The following NDFIP1 variants were observed in gnomAD, a reference collection of about 807,000 sequenced individuals.
NDFIP1 encodes Nedd4 family interacting protein 1.
NDFIP1 carries 7 observed loss-of-function variants against 28.8 expected under a neutral mutation model. That is an observed-to-expected ratio of 0.24 (90% CI 0.14 to 0.46). The LOEUF (loss-of-function observed/expected upper bound fraction) is 0.46. Ranked by LOEUF, NDFIP1 falls within the 20% of genes least tolerant of loss-of-function variation. The probability of loss-of-function intolerance (pLI) is 0.99; values close to 1 mark genes in which losing one functional copy is unlikely to be tolerated. For synonymous variants in NDFIP1, 92 were observed against 101.0 expected, an observed-to-expected ratio of 0.91 and a Z score of 0.53; for missense variants, 194 against 269.1, an observed-to-expected ratio of 0.72 and a Z score of 1.95.
intron 1 of NDFIP1, among the ~76,000 whole-genome samples, chr5:142,111,710 T>C (rs1757016044): frequency 6.6e-6 from 1 of 152,226 alleles, no homozygotes; most frequent in Admixed American, 6.5e-5. Flanking sequence ...GTCTTTATGG[T>C]CTTTTTATTG....
chr5:142,129,227 A>G (rs1007629626), intron 1 of NDFIP1, among the ~76,000 whole-genome samples: 1 of 152,212 alleles, frequency 6.6e-6, no homozygotes, highest in African/African-American at 2.4e-5. Context: ...ACCTTCCCAC[A>G]GCACAAGAGT....
At chr5:142,131,782 C>T (rs1239930294) in intron 1 of NDFIP1, 26 bp from the exon 2 acceptor site, 30 of 1,536,578 alleles carry the variant, frequency 2.0e-5, no homozygotes, top group Non-Finnish European at 2.4e-5. Context: ...TTTATGCTTA[C>T]ATTAAAATAT....
Position 142,137,776 on chromosome 5 carries a change from G to GCCTGACCA in NDFIP1, c.415_422dup (p.Ser142Ter). On this transcript the variant is annotated frameshift_variant, in exon 5 of 8. Transcript: ENST00000253814. LOFTEE classifies it high-confidence loss of function. ...TGGATTGGGTTTTTCCTGTCTTTTT[G>GCCTGACCA]CCTGACCACTTCAGCTGCAGGAAGG... is the stretch of plus-strand genomic sequence containing the variant. 1 of 1,614,012 alleles carries GCCTGACCA rather than the reference G, an allele frequency of 6.2e-7. No individual in the cohort carries two copies. Among genetic ancestry groups the GCCTGACCA allele is most frequent in the Non-Finnish European group, 8.5e-7 (1 of 1,179,982 alleles).
chr5:142,122,189 C>T (rs1757128483), intron 1 of NDFIP1, among the ~76,000 whole-genome samples: 1 of 152,190 alleles, frequency 6.6e-6, no homozygotes, highest in South Asian at 2.1e-4. Context: ...CAGTGCCTTT[C>T]CAGTCACTCT....
rs1364747253 is a variant in NDFIP1 at position 142,109,020 on chromosome 5, G to A, written c.46G>A (p.Gly16Ser). The A allele has an allele frequency of 7.0e-7, 1 of 1,437,560 alleles. No individual in the cohort carries two copies. The highest frequency in any genetic ancestry group is 1.4e-5 in the South Asian group (1 of 73,402). The allele number at this position is 1,437,560 out of a possible 1,614,324, so 89.1% of individuals were successfully genotyped here. A position where few individuals can be genotyped will look rare whatever the true frequency, so the allele number is the denominator to read the frequency against. ...AALAAVEPAC[G>S]SRYQQLQNEE... Reference sequence around the variant, plus strand: ...GCTGGCGGCGGTCGAGCCGGCCTGCGGCAGCCGGTACCAGCAGGTAAGCGG... The same window carrying A: ...GCTGGCGGCGGTCGAGCCGGCCTGCAGCAGCCGGTACCAGCAGGTAAGCGG... Residue 16 changes from glycine (G) to serine (S), a missense_variant, in exon 1 of 8, where the codon GGC (glycine) becomes AGC (serine). By Grantham distance (56) the Gly-to-Ser change is moderately conservative (BLOSUM62 0). Transcript: ENST00000253814.
At chr5:142,138,681 C>T (rs1757297897) in intron 5 of NDFIP1, among the ~76,000 whole-genome samples, 1 of 152,056 alleles carries the variant, frequency 6.6e-6, no homozygotes, top group Non-Finnish European at 1.5e-5. Context: ...GTAAGCTTTT[C>T]CCCCACATAG....
chr5:142,109,733 T>C (rs566106039), intron 1 of NDFIP1, among the ~76,000 whole-genome samples: 1 of 152,162 alleles, frequency 6.6e-6, no homozygotes, highest in South Asian at 2.1e-4. Flanking sequence ...GGGGAGGAAA[T>C]GTATAGGAAA....
At chr5:142,134,170 T>G (rs1242203050) in intron 3 of NDFIP1, 1 of 152,166 alleles carries the variant, frequency 6.6e-6, no homozygotes, top group East Asian at 1.9e-4. Flanking sequence ...CCTTCAGAGT[T>G]TTTGAGCAGG....
intron 1 of NDFIP1, among the ~76,000 whole-genome samples, chr5:142,130,000 C>G (rs1049056193): frequency 2.0e-5 from 3 of 150,464 alleles, no homozygotes; most frequent in Non-Finnish European, 4.4e-5. Context: ...CTCTGTTTTT[C>G]TGTCTCAATT....
chr5:142,150,384 A>C (rs1757433604), intron 7 of NDFIP1, among the ~76,000 whole-genome samples: 1 of 151,852 alleles, frequency 6.6e-6, no homozygotes, highest in Non-Finnish European at 1.5e-5. Context: ...TATGTCTCTC[A>C]ATCTAAAGAA....
At chr5:142,126,680 C>T (rs1288262618) in intron 1 of NDFIP1, among the ~76,000 whole-genome samples, 1 of 152,076 alleles carries the variant, frequency 6.6e-6, no homozygotes, top group Admixed American at 6.6e-5. Context: ...CCTTTAGGTC[C>T]TGCCATTTGC....
At position 142,124,808 on chromosome 5, in the gene NDFIP1, C is replaced by T. The variant is rs978276579; in HGVS notation, c.64-7000C>T. Among the ~76,000 whole-genome samples the T allele has an allele frequency of 4.0e-5, 6 of 149,222 alleles. No individual in the cohort carries two copies. The Admixed American group carries it at 4.0e-4, about 10-fold the overall frequency. On this transcript the variant is annotated intron_variant, in intron 1 of 7. Coordinates refer to ENST00000253814, the MANE Select transcript of NDFIP1 (RefSeq NM_030571.4). Reference sequence around the variant, plus strand: ...TGGGTTTTTCTTTTCTTTTTTTTGGCTCCCTATGAGCAACTTGAAGATTTT... The same window carrying T: ...TGGGTTTTTCTTTTCTTTTTTTTGGTTCCCTATGAGCAACTTGAAGATTTT...
chr5:142,131,983 C>T, intron 2 of NDFIP1, 88 bp downstream of exon 2: 1 of 1,297,264 alleles, frequency 7.7e-7, no homozygotes, highest in Non-Finnish European at 1.1e-6. Flanking sequence ...GCTTCAGAAG[C>T]AGTTGGAAGA....
chr5:142,149,895 A>T (rs1757426970), intron 7 of NDFIP1, among the ~76,000 whole-genome samples: 3 of 152,180 alleles, frequency 2.0e-5, no homozygotes. Context: ...TATTAAAAGA[A>T]ACTGGGCCAG....
rs1291525250 is a variant in NDFIP1 at position 142,153,990 on chromosome 5, C to T, written c.*2262C>T. 6.6e-6 allele frequency: 1 copy of T among 152,292 alleles called. No homozygotes were observed. 9.4% of individuals were successfully genotyped at this position (152,292 alleles called of 1,614,324 possible). On this transcript the variant is annotated 3_prime_UTR_variant, in exon 8 of 8. Coordinates refer to ENST00000253814, the MANE Select transcript of NDFIP1 (RefSeq NM_030571.4). The stretch of plus-strand genomic sequence containing the variant: ...GTTAAGAGGATGATTTCTCTTTAAT[C>T]GTTTAAATGTTCTGAAAATTAAAAT...
At chr5:142,141,087 G>C (rs1160557688) in intron 6 of NDFIP1, among the ~76,000 whole-genome samples, 2 of 149,196 alleles carry the variant, frequency 1.3e-5, no homozygotes, top group Non-Finnish European at 3.0e-5. Flanking sequence ...CATAACTTCT[G>C]AAAGAACCAC....
chr5:142,134,665 T>A (rs1757257126), intron 3 of NDFIP1, among the ~76,000 whole-genome samples: 1 of 152,224 alleles, frequency 6.6e-6, no homozygotes, highest in Admixed American at 6.5e-5. Flanking sequence ...TGTGTACAAA[T>A]CTATCACTTT....
intron 5 of NDFIP1, among the ~76,000 whole-genome samples, chr5:142,139,550 C>A (rs562731768): frequency 8.5e-5 from 13 of 152,296 alleles, no homozygotes; most frequent in South Asian, 4.1e-4. Context: ...AAAAAATTTT[C>A]TACCACCTTT....
chr5:142,151,202 TA>T (rs1241897814), intron 7 of NDFIP1, among the ~76,000 whole-genome samples: 1 of 152,214 alleles, frequency 6.6e-6, no homozygotes, highest in Non-Finnish European at 1.5e-5. Context: ...TTTTTAAAAG[TA>T]TTTGTGGTAC....
Sources: gnomAD v4.1 joint callset for allele counts (sites outside exome capture counted in the v4.1 genomes callset) on GRCh38, gnomAD v4.1.1 for gene constraint, MANE v1.5 for transcripts, NCBI Gene and HGNC (gene_info 2026-07-23, HGNC 2026-07-21) for gene names.